CDH4: variants seen among roughly 807,000 people sequenced by gnomAD.
CDH4 encodes cadherin-4.
Under a neutral mutation model 86.0 loss-of-function variants are expected in CDH4, and 33 were observed. The observed-to-expected ratio is 0.38, with a 90% CI of 0.29 to 0.51. The LOEUF (loss-of-function observed/expected upper bound fraction) is 0.51, where lower values mean the gene tolerates loss of function less well. Among genes scored for constraint, CDH4 ranks in the 20% least tolerant of loss-of-function variants. The probability of loss-of-function intolerance (pLI) is 0.86; values close to 1 mark genes in which losing one functional copy is unlikely to be tolerated. For missense variants in CDH4, 1,114 were observed against 1,307.4 expected, an observed-to-expected ratio of 0.85 and a Z score of 2.28; for synonymous variants, 555 against 549.4, an observed-to-expected ratio of 1.01 and a Z score of -0.14.
chr20:61,906,293 T>C (rs955228110), intron 8 of CDH4, among the ~76,000 whole-genome samples: 1 of 152,200 alleles, frequency 6.6e-6, no homozygotes, highest in Non-Finnish European at 1.5e-5. Flanking sequence ...ACGGGTGATA[T>C]GTAAATGAAT....
intron 2 of CDH4, among the ~76,000 whole-genome samples, chr20:61,534,216 T>C (rs1031700927): frequency 6.6e-6 from 1 of 152,220 alleles, no homozygotes; most frequent in Non-Finnish European, 1.5e-5. Flanking sequence ...TATGGAAATA[T>C]TACTTTGTGG....
intron 2 of CDH4, among the ~76,000 whole-genome samples, chr20:61,671,307 C>A (rs1042241508): frequency 6.6e-6 from 1 of 152,140 alleles, no homozygotes; most frequent in African/African-American, 2.4e-5. Context: ...GCCTGTGCAG[C>A]ATAGAAAGAT....
chr20:61,719,501 C>A, intron 2 of CDH4: 1 of 213,914 alleles, frequency 4.7e-6, no homozygotes. Flanking sequence ...TCTTCCCCTC[C>A]CAACCCAAAG....
rs758983577 is a variant in CDH4, at chr20:61,923,683, G to A, written c.1607G>A (p.Arg536Gln). The A allele has an allele frequency of 9.3e-6, 15 of 1,613,606 alleles. No homozygotes were observed. The highest frequency in any genetic ancestry group is 5.0e-5 in the Admixed American group (3 of 60,010). ...ACGTTTTCAGCTGTGGACCCTGACC[G>A]GTTCATGCAGCAGGCTGTGAGGTGG... ...LTTFSAVDPD[R>Q]FMQQAVRYSK... Residue 536 changes from arginine (R) to glutamine (Q), a missense_variant, in exon 10 of 16, where the codon CGG becomes CAG. Coordinates refer to ENST00000614565, the MANE Select transcript of CDH4 (RefSeq NM_001794.5).
intron 2 of CDH4, among the ~76,000 whole-genome samples, chr20:61,379,835 G>C (rs138936714): frequency 1.3e-5 from 2 of 152,248 alleles, no homozygotes; most frequent in African/African-American, 4.8e-5. Context: ...GTCAACTCCA[G>C]GGATATTAAA....
chr20:61,392,477 A>G lies in CDH4; in HGVS notation c.169+137540A>G, dbSNP rs1271907373. On this transcript the variant is annotated intron_variant, in intron 2 of 15. Transcript: ENST00000614565. This position sits in a 1 kb window ranked among gnomAD's most constrained non-coding sequence, Gnocchi z 5.7. The stretch of plus-strand genomic sequence containing the variant: ...AAAATTAACCTTTTTTAATAACAGA[A>G]ATGATATAGTCCATTGAAGTAGGGC... Among the ~76,000 whole-genome samples the G allele has an allele frequency of 6.6e-6, 1 of 152,148 alleles. No homozygotes were observed. Among genetic ancestry groups the G allele is most frequent in the African/African-American group, 2.4e-5 (1 of 41,442 alleles).
At chr20:61,338,441 G>T (rs1475616460) in intron 2 of CDH4, among the ~76,000 whole-genome samples, 1 of 152,196 alleles carries the variant, frequency 6.6e-6, no homozygotes, top group Non-Finnish European at 1.5e-5. Flanking sequence ...CAAAGACGTT[G>T]TTTTCTCACC....
chr20:61,546,095 TGGAGGG>T (rs1247752459), intron 2 of CDH4, among the ~76,000 whole-genome samples: 7 of 49,386 alleles, frequency 1.4e-4, no homozygotes, highest in South Asian at 7.5e-4. Context: ...CGTGTGTGTG[TGGAGGG>T]GTGTGTGTGC....
chr20:61,536,126 C>A (rs895627826), intron 2 of CDH4, among the ~76,000 whole-genome samples: 1 of 152,200 alleles, frequency 6.6e-6, no homozygotes, highest in Non-Finnish European at 1.5e-5. Context: ...GCACAGAACC[C>A]GGCCAGGCCA....
intron 4 of CDH4, among the ~76,000 whole-genome samples, chr20:61,777,597 C>T (rs952317911): frequency 2.0e-5 from 3 of 152,144 alleles, no homozygotes; most frequent in African/African-American, 7.2e-5. Context: ...TGCATGTGCA[C>T]ACACATCCAC....
intron 7 of CDH4, among the ~76,000 whole-genome samples, chr20:61,884,580 C>T (rs1984449695): frequency 2.6e-5 from 4 of 152,036 alleles, no homozygotes; most frequent in Admixed American, 2.6e-4. Flanking sequence ...GGGCACCCAG[C>T]GAGGGGCTCC....
chr20:61,385,536 A>G (rs2084946332), intron 2 of CDH4, among the ~76,000 whole-genome samples: 2 of 152,068 alleles, frequency 1.3e-5, no homozygotes, highest in Admixed American at 1.3e-4. Context: ...TTAATGCAGC[A>G]TGTCCAGCTG....
chr20:61,560,284 G>A lies in CDH4; in HGVS notation c.170-183279G>A, dbSNP rs141677111. 4.6e-3 allele frequency among the ~76,000 whole-genome samples: 697 copies of A among 152,218 alleles called. 3 individuals are homozygous for A. Among genetic ancestry groups the A allele is most frequent in the Middle Eastern group, 0.014 (4 of 294 alleles). ...TTTAAATTGCTATTTTAGTTTCAGG[G>A]GGTACATGTGCAGGTTTGTTTATTG... On this transcript the variant is annotated intron_variant, in intron 2 of 15. Transcript: ENST00000614565.
chr20:61,666,627 C>T (rs750353604), intron 2 of CDH4, among the ~76,000 whole-genome samples: 5 of 152,206 alleles, frequency 3.3e-5, no homozygotes, highest in Non-Finnish European at 4.4e-5. Context: ...CTGTTGCTTC[C>T]GGAGGGCCAG....
intron 2 of CDH4, among the ~76,000 whole-genome samples, chr20:61,396,158 C>T (rs888132850): frequency 1.3e-5 from 2 of 152,110 alleles, no homozygotes; most frequent in Non-Finnish European, 2.9e-5. Context: ...ACCGTATAGC[C>T]CTGAAAGCCT....
At chr20:61,413,592 C>T (rs892597500) in intron 2 of CDH4, among the ~76,000 whole-genome samples, 8 of 152,204 alleles carry the variant, frequency 5.3e-5, no homozygotes, top group Non-Finnish European at 7.3e-5. Context: ...ACGCCCTGTG[C>T]GATGGCTGTT....
At chr20:61,658,352 G>A (rs1420801739) in intron 2 of CDH4, among the ~76,000 whole-genome samples, 1 of 152,054 alleles carries the variant, frequency 6.6e-6, no homozygotes, top group African/African-American at 2.4e-5. Context: ...TCCCCTCCGA[G>A]TTCCAGATCT....
chr20:61,864,173 C>G (rs1290334976), intron 6 of CDH4, among the ~76,000 whole-genome samples: 1 of 152,190 alleles, frequency 6.6e-6, no homozygotes. Flanking sequence ...CAGGAGCACC[C>G]AAGTTGGACG....
chr20:61,408,113 C>T (rs139621531), intron 2 of CDH4, among the ~76,000 whole-genome samples: 2 of 152,296 alleles, frequency 1.3e-5, no homozygotes, highest in Non-Finnish European at 2.9e-5. Context: ...ACCTCTCCAT[C>T]GTCAAGTGTC....
Sources: allele counts gnomAD v4.1 joint callset (sites outside exome capture counted in the v4.1 genomes callset), GRCh38; gene constraint gnomAD v4.1.1; non-coding constraint Gnocchi (gnomAD v3.1); transcripts MANE v1.5; gene names NCBI Gene and HGNC (gene_info 2026-07-23, HGNC 2026-07-21).